The following NSD1 variants were observed in gnomAD, a reference collection of about 807,000 sequenced individuals.
NSD1 encodes histone-lysine N-methyltransferase, H3 lysine-36 specific.
Under a neutral mutation model 242.7 loss-of-function variants are expected in NSD1, and 26 were observed. That is an observed-to-expected ratio of 0.11 (90% CI 0.08 to 0.15). NSD1 has a LOEUF of 0.15. Ranked by LOEUF, NSD1 falls within the 10% of genes least tolerant of loss-of-function variation. The probability of loss-of-function intolerance (pLI) is 1.00; values close to 1 mark genes in which losing one functional copy is unlikely to be tolerated. For missense variants in NSD1, 2,495 were observed against 3,272.8 expected (o/e 0.76, Z 5.80); for synonymous variants, 1,106 against 1,178.1 (o/e 0.94, Z 1.25).
At chr5:177,141,390 G>A (rs541768522) in intron 2 of NSD1, among the ~76,000 whole-genome samples, 1 of 142,528 alleles carries the variant, frequency 7.0e-6, no homozygotes, top group East Asian at 2.1e-4. Context: ...GAGTGCAGTG[G>A]TGTGACCTTA....
In NSD1 at chr5:177,292,191, G is replaced by A. The variant is rs200579842; in HGVS notation, c.6463+33G>A. ...CCAAAATCCATTTGTACCGCTACTC[G>A]TTCTCTCCATCATACTCAGGGTCTC... On this transcript the variant is annotated intron_variant, in intron 22 of 22. Coordinates refer to ENST00000439151, the MANE Select transcript of NSD1 (RefSeq NM_022455.5). 56 of 1,604,462 alleles carry A rather than the reference G, an allele frequency of 3.5e-5. No homozygotes were observed. In the African/African-American group the frequency reaches 4.1e-4, roughly 12 times the overall value.
intron 14 of NSD1, among the ~76,000 whole-genome samples, chr5:177,263,482 G>A (rs753771150): frequency 5.3e-5 from 8 of 152,308 alleles, no homozygotes; most frequent in East Asian, 1.9e-4. Flanking sequence ...AGCAGTCATC[G>A]TGTTCTGTAT....
At position 177,211,256 on chromosome 5, in the gene NSD1, T is replaced by C. The variant is rs1763313782; in HGVS notation, c.2857T>C (p.Ser953Pro). 1 of 1,613,972 alleles carries C rather than the reference T, an allele frequency of 6.2e-7. No individual in the cohort carries two copies. Among genetic ancestry groups the C allele is most frequent in the Admixed American group, 1.7e-5 (1 of 59,984 alleles). The stretch of plus-strand genomic sequence containing the variant: ...TTCTACTAATAGTCCTGTAGGAGTC[T>C]CTAAGGTTTTGGTTTCAGGAGGCTC... Reference protein sequence around the residue: ...DCSTNSPVGVSKVLVSGGSTH... With the variant: ...DCSTNSPVGVPKVLVSGGSTH... Residue 953 changes from serine to proline, a missense_variant, in exon 5 of 23, where the codon TCT (serine) becomes CCT (proline). Ser to Pro is a moderately conservative substitution (Grantham distance 74). Coordinates refer to ENST00000439151, the MANE Select transcript of NSD1 (RefSeq NM_022455.5).
At chr5:177,271,051 T>G (rs530377683) in intron 16 of NSD1, among the ~76,000 whole-genome samples, 1 of 151,766 alleles carries the variant, frequency 6.6e-6, no homozygotes, top group Non-Finnish European at 1.5e-5. Context: ...GAAGGCGGAG[T>G]ATAAGGAATA....
intron 13 of NSD1, 76 bp downstream of exon 13, chr5:177,257,227 TC>T (rs1272540127): frequency 1.8e-4 from 206 of 1,125,252 alleles, no homozygotes; most frequent in South Asian, 2.2e-4. Flanking sequence ...CTTTTTTCTT[TC>T]TTTTTTTTTT....
At chr5:177,224,925 C>G (rs971891269) in intron 5 of NSD1, among the ~76,000 whole-genome samples, 3 of 151,864 alleles carry the variant, frequency 2.0e-5, no homozygotes, top group African/African-American at 7.3e-5. Flanking sequence ...GCGTTTCCCC[C>G]TTTATTCTAT....
At chr5:177,132,560 C>T (rs971698258), upstream of NSD1, among the ~76,000 whole-genome samples, 2 of 151,854 alleles carry the variant, frequency 1.3e-5, no homozygotes, top group Non-Finnish European at 2.9e-5. The surrounding 1 kb of genome is among the most constrained non-coding windows in gnomAD (Gnocchi z 7.5). Context: ...GGAGCTTCGT[C>T]CCGGCTGGGC....
chr5:177,180,202 C>T (rs574499951), intron 2 of NSD1, among the ~76,000 whole-genome samples: 3 of 152,104 alleles, frequency 2.0e-5, no homozygotes, highest in African/African-American at 7.2e-5. Flanking sequence ...TCAAGTGATT[C>T]TCCTGCCTCA....
chr5:177,257,973 C>CTTTTTTTTTTTTTTT (rs35034666), intron 13 of NSD1, among the ~76,000 whole-genome samples: 2 of 52,566 alleles, frequency 3.8e-5, no homozygotes, highest in Non-Finnish European at 3.2e-5. Context: ...CCCCCTGGGC[C>CTTTTTTTTTTTTTTT]TTTTTTTTTT....
chr5:177,292,063 G>A lies in NSD1; in HGVS notation c.6368G>A (p.Ser2123Asn). Reference protein sequence around the residue: ...ITKEREDECFSCGDAGQLVSC... With the variant: ...ITKEREDECFNCGDAGQLVSC... The stretch of plus-strand genomic sequence containing the variant: ...AAGGAGCGAGAAGATGAGTGTTTTA[G>A]TTGTGGGGATGCTGGCCAGCTCGTC... Residue 2123 changes from serine (S) to asparagine (N), a missense_variant, in exon 22 of 23, where the codon AGT (serine) becomes AAT (asparagine). Ser to Asn is a conservative substitution (Grantham distance 46). Coordinates refer to ENST00000439151, the MANE Select transcript of NSD1 (RefSeq NM_022455.5). 1 of 1,614,188 alleles carries A rather than the reference G, an allele frequency of 6.2e-7. No homozygotes were observed. The highest frequency in any genetic ancestry group is 8.5e-7 in the Non-Finnish European group (1 of 1,180,032).
intron 2 of NSD1, among the ~76,000 whole-genome samples, chr5:177,148,033 G>A (rs961317270): frequency 2.0e-5 from 3 of 152,054 alleles, no homozygotes; most frequent in South Asian, 4.2e-4. Flanking sequence ...GTTCATTTAT[G>A]GGGTTTTGTG....
At chr5:177,243,966 T>C (rs1366165562) in intron 8 of NSD1, among the ~76,000 whole-genome samples, 1 of 152,196 alleles carries the variant, frequency 6.6e-6, no homozygotes, top group Non-Finnish European at 1.5e-5. Flanking sequence ...GTGCTAGGAT[T>C]ACAGGTGTGA....
intron 2 of NSD1, chr5:177,136,455 C>T (rs910832566): frequency 7.6e-5 from 14 of 183,966 alleles, no homozygotes; most frequent in Admixed American, 1.1e-4. Flanking sequence ...TTGACTCTTA[C>T]TTCAGGTTGA....
intron 2 of NSD1, among the ~76,000 whole-genome samples, chr5:177,158,771 A>C (rs1250396766): frequency 6.8e-6 from 1 of 147,492 alleles, no homozygotes; most frequent in Non-Finnish European, 1.5e-5. Flanking sequence ...GCAGTGAGCC[A>C]AGATTGCACC....
chr5:177,210,236 C>G lies in NSD1; in HGVS notation c.1837C>G (p.Leu613Val), dbSNP rs1562206703. ...SREKNKPQRSLVCGSKVKLCY... is the reference protein window; with the variant it reads ...SREKNKPQRSVVCGSKVKLCY... ...AGAGAAGAATAAACCCCAACGAAGCCTGGTGTGTGGTTCAAAAGTGAAGCT... is the reference window on the plus strand; with the variant it reads ...AGAGAAGAATAAACCCCAACGAAGCGTGGTGTGTGGTTCAAAAGTGAAGCT... The change falls in exon 5 of 23, where the codon CTG becomes GTG. Residue 613 changes from leucine to valine, a missense_variant. Physicochemically the swap from Leu to Val is conservative, Grantham distance 32 (BLOSUM62 1). Around this residue, in one of 19 missense-constraint regions of NSD1, gnomAD observed 515 missense variants for 467.0 expected, o/e 1.10. Transcript: ENST00000439151. The G allele has an allele frequency of 6.3e-7, 1 of 1,597,026 alleles. No individual in the cohort carries two copies. The highest frequency in any genetic ancestry group is 8.5e-7 in the Non-Finnish European group (1 of 1,172,068).
chr5:177,198,555 A>C (rs749030223), intron 3 of NSD1, among the ~76,000 whole-genome samples: 2 of 152,140 alleles, frequency 1.3e-5, no homozygotes, highest in African/African-American at 2.4e-5. Context: ...AATAGTATTT[A>C]GTATTCTTAG....
intron 20 of NSD1, among the ~76,000 whole-genome samples, chr5:177,287,215 A>T (rs917786236): frequency 6.6e-6 from 1 of 152,244 alleles, no homozygotes; most frequent in Non-Finnish European, 1.5e-5. Flanking sequence ...CTTACATAGT[A>T]TATGTTCAGT....
rs375149798 is a variant in NSD1 at position 177,255,938 on chromosome 5, A to G, written c.4766-1013A>G. Among the ~76,000 whole-genome samples, 12 of 152,310 alleles carry G rather than the reference A, an allele frequency of 7.9e-5. No individual in the cohort carries two copies. In the East Asian group the frequency reaches 2.3e-3, roughly 29 times the overall value. On this transcript the variant is annotated intron_variant, in intron 12 of 22. Coordinates refer to ENST00000439151, the MANE Select transcript of NSD1 (RefSeq NM_022455.5). ...GGGTAGAACAATGTAAAGAATCTCCATGTATTCAGTTAATTTCAGTAGTTA... is the reference window on the plus strand; with the variant it reads ...GGGTAGAACAATGTAAAGAATCTCCGTGTATTCAGTTAATTTCAGTAGTTA...
upstream of NSD1, chr5:177,133,678 C>T (rs1173681009): frequency 6.7e-6 from 1 of 148,852 alleles, no homozygotes; most frequent in East Asian, 2.0e-4. The surrounding 1 kb of genome is among the most constrained non-coding windows in gnomAD (Gnocchi z 6.2). Context: ...AAGGGGTGCG[C>T]GCGCACTCGG....
Sources: gnomAD v4.1 joint callset for allele counts (sites outside exome capture counted in the v4.1 genomes callset) on GRCh38, gnomAD v4.1.1 for gene constraint, gnomAD v4.1.1 regional missense constraint, Gnocchi (gnomAD v3.1) non-coding constraint, MANE v1.5 for transcripts, NCBI Gene and HGNC (gene_info 2026-07-23, HGNC 2026-07-21) for gene names.